Variants in CLVS1 observed in about 807,000 individuals in gnomAD.
The protein encoded by CLVS1 is clavesin-1.
A neutral mutation model predicts 33.1 loss-of-function variants in CLVS1; 10 were observed. The observed-to-expected ratio is 0.30, with a 90% CI of 0.19 to 0.51. The LOEUF (loss-of-function observed/expected upper bound fraction) is 0.51, where lower values mean the gene tolerates loss of function less well. Among genes scored for constraint, CLVS1 ranks in the 20% least tolerant of loss-of-function variants. The pLI is 0.97. For synonymous variants in CLVS1, 163 were observed against 166.1 expected, an observed-to-expected ratio of 0.98 and a Z score of 0.14; for missense variants, 343 against 433.4, an observed-to-expected ratio of 0.79 and a Z score of 1.85.
At chr8:61,048,381 C>T in the CLVS1 span, among the ~76,000 whole-genome samples, 2 of 152,146 alleles carry the variant, frequency 1.3e-5, no homozygotes, top group Non-Finnish European at 1.5e-5. Flanking sequence ...CACAGAATCC[C>T]GCAGAAGCCA....
intron 2 of CLVS1, among the ~76,000 whole-genome samples, chr8:61,178,176 A>G (rs1255710110): frequency 6.6e-6 from 1 of 152,236 alleles, no homozygotes; most frequent in Non-Finnish European, 1.5e-5. Flanking sequence ...GCTGAAAAAC[A>G]CAGCACAAGA....
At chr8:61,065,148 T>C (rs961098520) in intron 1 of CLVS1, among the ~76,000 whole-genome samples, 3 of 152,238 alleles carry the variant, frequency 2.0e-5, no homozygotes, top group African/African-American at 7.2e-5. Context: ...GATGCTCAAG[T>C]CCCTTATGTA....
intron 3 of CLVS1, among the ~76,000 whole-genome samples, chr8:61,394,785 A>G (rs1349664457): frequency 6.6e-6 from 1 of 152,148 alleles, no homozygotes; most frequent in Non-Finnish European, 1.5e-5. Flanking sequence ...GGCTGTACCA[A>G]TTTACATTCC....
At chr8:61,295,151 C>T (rs1027225929) in intron 1 of CLVS1, among the ~76,000 whole-genome samples, 2 of 152,160 alleles carry the variant, frequency 1.3e-5, no homozygotes, top group Admixed American at 1.3e-4. Context: ...GAATTACTCT[C>T]CATGCATTTG....
At chr8:61,124,459 G>A (rs574299614) in intron 1 of CLVS1, among the ~76,000 whole-genome samples, 2 of 152,290 alleles carry the variant, frequency 1.3e-5, no homozygotes, top group African/African-American at 4.8e-5. Flanking sequence ...AACAGAGCAC[G>A]CTATTGTTTT....
At chr8:60,966,501 T>C in the CLVS1 span, 1 of 411,188 alleles carries the variant, frequency 2.4e-6, no homozygotes, top group Non-Finnish European at 4.9e-6. Flanking sequence ...TATTTGCATA[T>C]GCCATGACCC....
At chr8:60,978,513 A>G in the CLVS1 span, among the ~76,000 whole-genome samples, 1 of 152,198 alleles carries the variant, frequency 6.6e-6, no homozygotes, top group Non-Finnish European at 1.5e-5. Flanking sequence ...CAAGGTAACC[A>G]CTAAGAAATA....
intron 2 of CLVS1, among the ~76,000 whole-genome samples, chr8:61,365,754 G>GGTGT (rs35496931): frequency 4.6e-3 from 684 of 148,576 alleles, no homozygotes; most frequent in Non-Finnish European, 7.3e-3. Flanking sequence ...CAGTTTACAG[G>GGTGT]GTGTGTGTGT....
intron 2 of CLVS1, among the ~76,000 whole-genome samples, chr8:61,337,743 A>G (rs1366179370): frequency 1.3e-5 from 2 of 152,246 alleles, no homozygotes; most frequent in Non-Finnish European, 2.9e-5. Context: ...CACCAGAATC[A>G]TGAAGTAATT....
chr8:61,187,612 C>T (rs1046110769), intron 2 of CLVS1, among the ~76,000 whole-genome samples: 12 of 148,322 alleles, frequency 8.1e-5, no homozygotes, highest in Non-Finnish European at 1.8e-4. Context: ...ATTTTGAACC[C>T]TGCTTCTCTC....
chr8:61,369,581 C>T (rs1397578427), intron 2 of CLVS1, among the ~76,000 whole-genome samples: 2 of 152,190 alleles, frequency 1.3e-5, no homozygotes, highest in Non-Finnish European at 2.9e-5. Flanking sequence ...AAAACAGTGA[C>T]TAAGAGGGAT....
chr8:61,296,010 G>A (rs1810195091), intron 1 of CLVS1, among the ~76,000 whole-genome samples: 1 of 152,066 alleles, frequency 6.6e-6, no homozygotes, highest in African/African-American at 2.4e-5. Flanking sequence ...TTATAATTTG[G>A]AAAAGTTGAA....
intron 3 of CLVS1, among the ~76,000 whole-genome samples, chr8:61,444,150 T>C (rs901426425): frequency 6.6e-6 from 1 of 152,214 alleles, no homozygotes; most frequent in Non-Finnish European, 1.5e-5. Context: ...GATTTTTTAA[T>C]GTAGACAGTC....
intron 2 of CLVS1, among the ~76,000 whole-genome samples, chr8:61,218,615 T>C (rs1413210694): frequency 1.4e-5 from 2 of 144,286 alleles, no homozygotes; most frequent in African/African-American, 5.2e-5. Flanking sequence ...TCCATGAATA[T>C]GTATAATTAT....
chr8:61,130,366 C>T (rs1181565150), intron 1 of CLVS1, among the ~76,000 whole-genome samples: 1 of 152,048 alleles, frequency 6.6e-6, no homozygotes, highest in African/African-American at 2.4e-5. Context: ...ATCTCCTGAG[C>T]AGTATGGAGC....
At position 61,197,229 on chromosome 8, in the gene CLVS1, C is replaced by T. The variant is rs542604301; in HGVS notation, c.-152+65369C>T. Reference sequence around the variant, plus strand: ...GGTGAGATATAGGAGTCTAGTTCCACTCTTCTGCATATTGATATTCAGTTT... The same window carrying T: ...GGTGAGATATAGGAGTCTAGTTCCATTCTTCTGCATATTGATATTCAGTTT... On this transcript the variant is annotated intron_variant, in intron 2 of 2. Coordinates refer to the CLVS1 transcript ENST00000522621. 2.0e-5 allele frequency among the ~76,000 whole-genome samples: 3 copies of T among 152,272 alleles called. No homozygotes were observed. The East Asian group carries it at 5.8e-4, about 29-fold the overall frequency.
chr8:61,330,510 A>AGT, intron 2 of CLVS1, among the ~76,000 whole-genome samples: 1 of 152,314 alleles, frequency 6.6e-6, no homozygotes, highest in African/African-American at 2.4e-5. Context: ...GTAAGGGACC[A>AGT]GTGTGTGTGC....
intron 2 of CLVS1, among the ~76,000 whole-genome samples, chr8:61,133,756 T>A (rs947023710): frequency 6.6e-6 from 1 of 152,060 alleles, no homozygotes; most frequent in African/African-American, 2.4e-5. Flanking sequence ...TGATGAAGCC[T>A]GGGATGAAGG....
Position 61,499,218 on chromosome 8 carries a change from C to A in CLVS1, c.978-237C>A, listed in dbSNP as rs112069915. 3.6e-3 allele frequency among the ~76,000 whole-genome samples: 551 copies of A among 152,150 alleles called. 3 individuals carry two copies. Among genetic ancestry groups the A allele is most frequent in the African/African-American group, 0.012 (498 of 41,518 alleles). ...TGGAGACAGGGTCTACCTCTGTCAC[C>A]CAGGCTGGAGTGCAGTGGCACAATA... On this transcript the variant is annotated intron_variant, in intron 5 of 5. Transcript: ENST00000325897.
Sources: gnomAD v4.1 joint callset for allele counts (sites outside exome capture counted in the v4.1 genomes callset) on GRCh38, gnomAD v4.1.1 for gene constraint, MANE v1.5 for transcripts, NCBI Gene and HGNC (gene_info 2026-07-23, HGNC 2026-07-21) for gene names.